Variants in FHOD3 observed in about 807,000 individuals in gnomAD.
The protein encoded by FHOD3 is FH1/FH2 domain-containing protein 3.
A neutral mutation model predicts 173.0 loss-of-function variants in FHOD3; 90 were observed. The ratio of observed to expected loss-of-function variants is 0.52; its 90% CI spans 0.44 to 0.62. The LOEUF (loss-of-function observed/expected upper bound fraction) is 0.62, where lower values mean the gene tolerates loss of function less well. Ranked by LOEUF, FHOD3 falls within the 20% of genes least tolerant of loss-of-function variation. The pLI is 0.00. For missense variants in FHOD3, 1,945 were observed against 2,034.7 expected, an observed-to-expected ratio of 0.96 and a Z score of 0.85; for synonymous variants, 828 against 823.0, an observed-to-expected ratio of 1.01 and a Z score of -0.10.
chr18:36,372,409 CT>C (rs2047235220), intron 2 of FHOD3, among the ~76,000 whole-genome samples: 3 of 152,222 alleles, frequency 2.0e-5, no homozygotes, highest in Non-Finnish European at 1.5e-5. Context: ...TCAAGCATGA[CT>C]TTGTGCAGAC....
At chr18:36,640,778 C>T (rs1251418578) in intron 10 of FHOD3, among the ~76,000 whole-genome samples, 1 of 151,712 alleles carries the variant, frequency 6.6e-6, no homozygotes, top group East Asian at 2.0e-4. Context: ...CAGCCTTGTC[C>T]AATACGAGGC....
At chr18:36,688,841 G>T (rs1568610554) in intron 16 of FHOD3, among the ~76,000 whole-genome samples, 1 of 152,174 alleles carries the variant, frequency 6.6e-6, no homozygotes, top group African/African-American at 2.4e-5. Context: ...AGCTCTTTCT[G>T]GATATTATTT....
At chr18:36,471,869 C>A (rs114615210) in intron 3 of FHOD3, among the ~76,000 whole-genome samples, 1 of 152,080 alleles carries the variant, frequency 6.6e-6, no homozygotes, top group African/African-American at 2.4e-5. Context: ...TTCACATAAA[C>A]GAGATGATAT....
chr18:36,699,192 A>G (rs1402890449), intron 17 of FHOD3, among the ~76,000 whole-genome samples: 1 of 152,230 alleles, frequency 6.6e-6, no homozygotes. Context: ...TTAGATTATA[A>G]TGGTTTTAAA....
chr18:36,591,493 A>G (rs965410827), intron 6 of FHOD3, among the ~76,000 whole-genome samples: 2 of 152,204 alleles, frequency 1.3e-5, no homozygotes, highest in Admixed American at 6.5e-5. Flanking sequence ...CCCTTCACAC[A>G]TATGCTGACT....
chr18:36,330,691 G>T (rs1846620457), intron 1 of FHOD3, among the ~76,000 whole-genome samples: 1 of 152,188 alleles, frequency 6.6e-6, no homozygotes, highest in Non-Finnish European at 1.5e-5. Flanking sequence ...TTGGCTTCAT[G>T]CAGGGAGGCC....
At chr18:36,581,980 C>A (rs1405475598) in intron 6 of FHOD3, among the ~76,000 whole-genome samples, 1 of 152,102 alleles carries the variant, frequency 6.6e-6, no homozygotes, top group African/African-American at 2.4e-5. Flanking sequence ...ATTTTGAGGA[C>A]TAGCCTTCTA....
intron 2 of FHOD3, among the ~76,000 whole-genome samples, chr18:36,360,611 T>A (rs1445783930): frequency 6.6e-6 from 1 of 152,158 alleles, no homozygotes; most frequent in African/African-American, 2.4e-5. Context: ...TGGACCTGTT[T>A]AGGGGAACCT....
At chr18:36,390,730 G>A (rs1332735952) in intron 3 of FHOD3, among the ~76,000 whole-genome samples, 1 of 152,182 alleles carries the variant, frequency 6.6e-6, no homozygotes, top group Non-Finnish European at 1.5e-5. Flanking sequence ...TCCTACCTGA[G>A]TGACTGATGT....
chr18:36,465,833 C>G (rs2052884434), intron 3 of FHOD3, among the ~76,000 whole-genome samples: 1 of 151,986 alleles, frequency 6.6e-6, no homozygotes, highest in African/African-American at 2.4e-5. Flanking sequence ...GTGGTTTTTC[C>G]TTCTCTAATC....
chr18:36,653,695 T>C (rs969146285), intron 13 of FHOD3, among the ~76,000 whole-genome samples: 1 of 152,200 alleles, frequency 6.6e-6, no homozygotes, highest in African/African-American at 2.4e-5. Context: ...GCCTGCGTTA[T>C]GAGCTCTCTG....
chr18:36,327,739 A>T (rs939832342), intron 1 of FHOD3, among the ~76,000 whole-genome samples: 1 of 152,190 alleles, frequency 6.6e-6, no homozygotes, highest in Non-Finnish European at 1.5e-5. Flanking sequence ...TACAGTTTGA[A>T]AAATACTTCT....
chr18:36,333,301 G>C (rs2045119438), intron 1 of FHOD3, among the ~76,000 whole-genome samples: 1 of 152,212 alleles, frequency 6.6e-6, no homozygotes, highest in Admixed American at 6.5e-5. Flanking sequence ...AAAGACAGCT[G>C]CTGCTGGCTA....
intron 3 of FHOD3, among the ~76,000 whole-genome samples, chr18:36,390,552 C>A (rs1347117677): frequency 6.6e-6 from 1 of 152,174 alleles, no homozygotes; most frequent in East Asian, 1.9e-4. Context: ...TCTGCAAGCA[C>A]ATTCTGTACC....
intron 10 of FHOD3, among the ~76,000 whole-genome samples, chr18:36,635,019 C>A (rs1457656514): frequency 6.6e-6 from 1 of 152,096 alleles, no homozygotes; most frequent in Admixed American, 6.5e-5. Flanking sequence ...AGTGTGGTGA[C>A]CTCCTGACAA....
At chr18:36,456,329 G>A (rs1166036558) in intron 3 of FHOD3, among the ~76,000 whole-genome samples, 1 of 152,086 alleles carries the variant, frequency 6.6e-6, no homozygotes, top group African/African-American at 2.4e-5. Context: ...ATTGCCTAGA[G>A]AGCTGGGGTC....
At chr18:36,323,690 C>A (rs1010966275) in intron 1 of FHOD3, among the ~76,000 whole-genome samples, 1 of 152,234 alleles carries the variant, frequency 6.6e-6, no homozygotes, top group Admixed American at 6.5e-5. Context: ...CAAGACTGCT[C>A]TCCCTGTTGC....
At chr18:36,391,341 G>A (rs987341876) in intron 3 of FHOD3, among the ~76,000 whole-genome samples, 2 of 152,182 alleles carry the variant, frequency 1.3e-5, no homozygotes, top group African/African-American at 4.8e-5. Flanking sequence ...TTCCTGGACA[G>A]ATGCCAGGAT....
intron 3 of FHOD3, among the ~76,000 whole-genome samples, chr18:36,378,132 C>G (rs1188776954): frequency 1.3e-5 from 2 of 152,196 alleles, no homozygotes; most frequent in Non-Finnish European, 2.9e-5. Context: ...GAAACCATCT[C>G]TCATTCTTCC....
Sources: gnomAD v4.1 joint callset for allele counts (sites outside exome capture counted in the v4.1 genomes callset) on GRCh38, gnomAD v4.1.1 for gene constraint, MANE v1.5 for transcripts, NCBI Gene and HGNC (gene_info 2026-07-23, HGNC 2026-07-21) for gene names.